Variants in ITGAM observed in about 807,000 individuals in gnomAD.
ITGAM encodes the protein integrin alpha-M.
A neutral mutation model predicts 137.5 loss-of-function variants in ITGAM; 79 were observed. The observed-to-expected ratio is 0.57, with a 90% CI of 0.48 to 0.69. The LOEUF is 0.69. ITGAM is among the 30% of genes least tolerant of loss of function. The pLI is 0.00. For synonymous variants in ITGAM, 583 were observed against 592.3 expected (o/e 0.98, Z 0.23); for missense variants, 1,343 against 1,483.5 (o/e 0.91, Z 1.56).
chr16:31,321,564 G>A lies in ITGAM; in HGVS notation c.1939G>A (p.Glu647Lys). The change falls in exon 16 of 30, where the codon GAA (glutamate) becomes AAA (lysine). Residue 647 changes from glutamate to lysine, a missense_variant. Glu to Lys is a moderately conservative substitution (Grantham distance 56). Transcript: ENST00000544665. ...ECNDQVVKGKEAGEVRVCLHV... is the reference protein window; with the variant it reads ...ECNDQVVKGKKAGEVRVCLHV... Reference sequence around the variant, plus strand: ...TAATGATCAGGTGGTGAAAGGCAAGGAAGCCGGAGAGGTCAGAGTCTGCCT... The same window carrying A: ...TAATGATCAGGTGGTGAAAGGCAAGAAAGCCGGAGAGGTCAGAGTCTGCCT... The A allele has an allele frequency of 6.2e-7, 1 of 1,614,008 alleles. No homozygotes were observed. The highest frequency in any genetic ancestry group is 8.5e-7 in the Non-Finnish European group (1 of 1,179,888).
intron 22 of ITGAM, among the ~76,000 whole-genome samples, chr16:31,327,637 AAAAG>A (rs1455846736): frequency 6.6e-6 from 1 of 151,868 alleles, no homozygotes; most frequent in African/African-American, 2.4e-5. Flanking sequence ...AAAAGGGAAA[AAAAG>A]AAAATATATT....
At chr16:31,273,865 T>C (rs2079878316) in intron 8 of ITGAM, among the ~76,000 whole-genome samples, 1 of 152,212 alleles carries the variant, frequency 6.6e-6, no homozygotes, top group African/African-American at 2.4e-5. Flanking sequence ...CTGGACCAGA[T>C]GGCCTTGGGT....
Position 31,321,298 on chromosome 16 carries a change from G to A in ITGAM, c.1765G>A (p.Gly589Arg). The A allele has an allele frequency of 2.5e-6, 4 of 1,613,982 alleles. No homozygotes were observed. Among genetic ancestry groups the A allele is most frequent in the Non-Finnish European group, 3.4e-6 (4 of 1,179,870 alleles). ...CCAGTATTTTGGTCAGTCACTGAGT[G>A]GGGGCCAGGACCTCACAATGGATGG... ...RLQYFGQSLS[G>R]GQDLTMDGLV... Residue 589 changes from glycine (G) to arginine (R), a missense_variant, in exon 15 of 30, where the codon GGG becomes AGG. Transcript: ENST00000544665.
chr16:31,327,379 G>A (rs1373393847), intron 22 of ITGAM, among the ~76,000 whole-genome samples: 5 of 151,250 alleles, frequency 3.3e-5, no homozygotes, highest in Admixed American at 3.3e-4. Context: ...TCGAACCCAG[G>A]AGTTCAAAAT....
At chr16:31,285,496 G>T (rs181970998) in intron 12 of ITGAM, among the ~76,000 whole-genome samples, 6 of 152,218 alleles carry the variant, frequency 3.9e-5, no homozygotes, top group Admixed American at 3.9e-4. Flanking sequence ...TTAGCCAAGC[G>T]TGGTGGCGTG....
chr16:31,262,305 C>G (rs1210429742), intron 2 of ITGAM, among the ~76,000 whole-genome samples: 4 of 146,042 alleles, frequency 2.7e-5, no homozygotes, highest in Non-Finnish European at 6.0e-5. Context: ...CTGCTTCCCT[C>G]TTTCCCTCCT....
chr16:31,329,299 A>T lies in ITGAM; in HGVS notation c.2864A>T (p.Tyr955Phe). 6.2e-7 allele frequency: 1 copy of T among 1,609,238 alleles called. No homozygotes were observed. Residue 955 changes from tyrosine to phenylalanine, a missense_variant, in exon 24 of 30, where the codon TAT (tyrosine) becomes TTT (phenylalanine). Transcript: ENST00000544665. ...ACCAGTCGGGTCATGCAGCATCAAT[A>T]TCAGGTGGGCAGCTGGGACGTCTGG... Reference protein sequence around the residue: ...ENTSRVMQHQYQVSNLGQRSL... With the variant: ...ENTSRVMQHQFQVSNLGQRSL...
chr16:31,265,558 C>A, intron 3 of ITGAM, 60 bp downstream of exon 3: 1 of 1,138,310 alleles, frequency 8.8e-7, no homozygotes, highest in Non-Finnish European at 1.3e-6. Flanking sequence ...TAGGGACTTT[C>A]CAGGCACTCC....
intron 11 of ITGAM, among the ~76,000 whole-genome samples, chr16:31,277,407 G>A (rs1204509885): frequency 6.6e-6 from 1 of 150,948 alleles, no homozygotes; most frequent in Non-Finnish European, 1.5e-5. Context: ...TGCCCAGGCT[G>A]GAGTGCAATG....
At chr16:31,279,024 G>A (rs2079940077) in intron 12 of ITGAM, among the ~76,000 whole-genome samples, 2 of 152,180 alleles carry the variant, frequency 1.3e-5, no homozygotes, top group East Asian at 1.9e-4. Flanking sequence ...TGCTCAGAAT[G>A]ATGGTTTCCA....
At position 31,321,357 on chromosome 16, in the gene ITGAM, C is replaced by T. The variant is rs766214343; in HGVS notation, c.1824C>T (p.His608=). The T allele has an allele frequency of 2.2e-5, 36 of 1,613,894 alleles. No homozygotes were observed. Among genetic ancestry groups the T allele is most frequent in the South Asian group, 3.3e-5 (3 of 91,092 alleles). Residue 608 remains histidine (H), a synonymous_variant, in exon 15 of 30, where the codon CAC becomes CAT. Transcript: ENST00000544665. ...ACCTGACTGTAGGAGCCCAGGGGCACGTGCTGCTGCTCAGGTGAGAATGCC... is the reference window on the plus strand; with the variant it reads ...ACCTGACTGTAGGAGCCCAGGGGCATGTGCTGCTGCTCAGGTGAGAATGCC... ...LVDLTVGAQG[H]VLLLRSQPVL...
intron 1 of ITGAM, among the ~76,000 whole-genome samples, chr16:31,260,378 C>T (rs999762215): frequency 3.9e-5 from 6 of 152,098 alleles, no homozygotes; most frequent in African/African-American, 1.4e-4. Context: ...AGTGACATGG[C>T]TCAGGGTGCG....
At chr16:31,261,894 A>G (rs2079704068) in intron 2 of ITGAM, 97 bp downstream of exon 2, 1 of 683,762 alleles carries the variant, frequency 1.5e-6, no homozygotes, top group Non-Finnish European at 2.6e-6. Context: ...TTTTCAACAG[A>G]TAAATCAATT....
intron 12 of ITGAM, among the ~76,000 whole-genome samples, chr16:31,291,608 A>G (rs542928212): frequency 5.3e-5 from 8 of 152,152 alleles, no homozygotes; most frequent in Non-Finnish European, 1.0e-4. Context: ...TTATTCAGCC[A>G]TAAGATGAAT....
Position 31,273,406 on chromosome 16 carries a change from C to T in ITGAM, c.746C>T (p.Ala249Val), listed in dbSNP as rs2079873282. 7.4e-6 allele frequency: 12 copies of T among 1,613,760 alleles called. No homozygotes were observed. The highest frequency in any genetic ancestry group is 1.0e-5 in the Non-Finnish European group (12 of 1,179,802). ...ATCACCAACGGAGCCCGAAAGAATG[C>T]CTTTAAGATCCTAGTTGTCATCACG... ...FNITNGARKN[A>V]FKILVVITDG... Residue 249 changes from alanine (A) to valine (V), a missense_variant, in exon 8 of 30, where the codon GCC becomes GTC. By Grantham distance (64) the Ala-to-Val change is moderately conservative (BLOSUM62 0). Coordinates refer to ENST00000544665, the MANE Select transcript of ITGAM (RefSeq NM_000632.4).
At chr16:31,270,103 ATCCTTCCTTCCT>A (rs371263313) in intron 5 of ITGAM, among the ~76,000 whole-genome samples, 11 of 140,144 alleles carry the variant, frequency 7.8e-5, no homozygotes, top group Non-Finnish European at 1.2e-4. Context: ...TATCTGGCAA[ATCCTTCCTTCCT>A]TCCTTCCTTC....
chr16:31,281,685 G>A (rs575966307), intron 12 of ITGAM, among the ~76,000 whole-genome samples: 1 of 152,164 alleles, frequency 6.6e-6, no homozygotes, highest in Admixed American at 6.5e-5. Flanking sequence ...TGGATTCATT[G>A]ATTTTTTGAA....
At chr16:31,326,059 C>G (rs906283842) in intron 21 of ITGAM, among the ~76,000 whole-genome samples, 6 of 152,032 alleles carry the variant, frequency 3.9e-5, no homozygotes, top group Non-Finnish European at 7.4e-5. Context: ...GAGTGAGACC[C>G]TGTCTTGAAA....
chr16:31,274,745 G>T (rs1216961965), intron 8 of ITGAM, among the ~76,000 whole-genome samples: 1 of 152,032 alleles, frequency 6.6e-6, no homozygotes, highest in African/African-American at 2.4e-5. Context: ...CTCCTGAGTA[G>T]CTGGGACTAC....
Sources: allele counts gnomAD v4.1 joint callset (sites outside exome capture counted in the v4.1 genomes callset), GRCh38; gene constraint gnomAD v4.1.1; transcripts MANE v1.5; gene names NCBI Gene and HGNC (gene_info 2026-07-23, HGNC 2026-07-21).